Variants in DMGDH observed in about 807,000 individuals in gnomAD.
DMGDH encodes the protein dimethylglycine dehydrogenase, also known as dimethylglycine dehydrogenase, mitochondrial.
In DMGDH, 76 loss-of-function variants were observed where a neutral mutation model predicts 95.2. That is an observed-to-expected ratio of 0.80 (90% confidence interval 0.66 to 0.97). The LOEUF (loss-of-function observed/expected upper bound fraction) is 0.97, where lower values mean the gene tolerates loss of function less well. Ranked by LOEUF, DMGDH falls within the 50% of genes least tolerant of loss-of-function variation. The probability of loss-of-function intolerance (pLI) is 0.00; values close to 1 mark genes in which losing one functional copy is unlikely to be tolerated. For missense variants in DMGDH, 987 were observed against 1,055.0 expected (o/e 0.94, Z 0.89); for synonymous variants, 345 against 377.6 (o/e 0.91, Z 1.00).
Position 79,028,334 on chromosome 5 carries a change from A to T in DMGDH, c.2032+99T>A, listed in dbSNP as rs893365021. ...TGAGTGTGCACATGCATACACACTC[A>T]CACATTTCTTGTGACATGACCTTTT... On this transcript the variant is annotated intron_variant, in intron 12 of 15. Coordinates refer to ENST00000255189, the MANE Select transcript of DMGDH (RefSeq NM_013391.3). 7.7e-6 allele frequency: 8 copies of T among 1,035,012 alleles called. No homozygotes were observed. The African/African-American group carries it at 1.0e-4, about 13-fold the overall frequency. The allele number at this position is 1,035,012 out of a possible 1,614,324, so 64.1% of individuals were successfully genotyped here.
rs1754217359 is a variant in DMGDH, at chr5:79,032,723, T to C, written c.1481A>G (p.His494Arg). The C allele has an allele frequency of 4.3e-6, 7 of 1,614,004 alleles. No homozygotes were observed. The African/African-American group carries it at 6.7e-5, about 15-fold the overall frequency. ...GTCCTGGCCTGGTTTGTAGAACCAGTGCGGCTGCTCCCAGCCAGCATGGAA... is the reference window on the plus strand; with the variant it reads ...GTCCTGGCCTGGTTTGTAGAACCAGCGCGGCTGCTCCCAGCCAGCATGGAA... ...MGFHAGWEQP[H>R]WFYKPGQDTQ... The change falls in exon 9 of 16, where the codon CAC becomes CGC. Residue 494 changes from histidine to arginine, a missense_variant. By Grantham distance (29) the His-to-Arg change is conservative. Coordinates refer to ENST00000255189, the MANE Select transcript of DMGDH (RefSeq NM_013391.3).
chr5:79,054,150 C>T (rs1237369667), intron 4 of DMGDH, 34 bp downstream of exon 4: 7 of 1,609,828 alleles, frequency 4.3e-6, no homozygotes, highest in African/African-American at 1.3e-5. Context: ...TTACTTAAGT[C>T]AACAAATGGT....
intron 14 of DMGDH, among the ~76,000 whole-genome samples, chr5:79,016,918 G>A (rs955755775): frequency 6.6e-6 from 1 of 152,032 alleles, no homozygotes; most frequent in East Asian, 1.9e-4. Context: ...TACTGACGAA[G>A]ATATAAAGGC....
At chr5:79,032,574 T>G in intron 9 of DMGDH, 113 bp downstream of exon 9, 5 of 1,449,284 alleles carry the variant, frequency 3.4e-6, no homozygotes, top group Non-Finnish European at 4.8e-6. Context: ...CAAAGCTCAG[T>G]GCTCCTTGGA....
At chr5:79,042,143 A>T (rs1754526503) in intron 7 of DMGDH, 140 bp downstream of exon 7, 1 of 801,804 alleles carries the variant, frequency 1.2e-6, no homozygotes, top group Non-Finnish European at 2.1e-6. Flanking sequence ...AAGGGAGAAA[A>T]CTCTCTGGGT....
intron 5 of DMGDH, among the ~76,000 whole-genome samples, chr5:79,046,182 G>C (rs1409652401): frequency 1.3e-5 from 2 of 152,102 alleles, no homozygotes; most frequent in Non-Finnish European, 2.9e-5. Flanking sequence ...TGCCTCCAGG[G>C]TTCAAGCCAT....
At chr5:79,059,329 A>G (rs1384097494) in intron 2 of DMGDH, among the ~76,000 whole-genome samples, 1 of 152,226 alleles carries the variant, frequency 6.6e-6, no homozygotes, top group African/African-American at 2.4e-5. Flanking sequence ...ATAGCTGCAG[A>G]AGACACCGCT....
intron 3 of DMGDH, among the ~76,000 whole-genome samples, chr5:79,054,740 C>A (rs183655445): frequency 6.6e-6 from 1 of 152,176 alleles, no homozygotes; most frequent in Non-Finnish European, 1.5e-5. Context: ...AAGGAGAGAT[C>A]ATGTAGAATC....
In DMGDH at chr5:79,058,372, T is replaced by C. The variant is rs558124228; in HGVS notation, c.277-2464A>G. Among the ~76,000 whole-genome samples the C allele has an allele frequency of 6.6e-5, 10 of 152,356 alleles. No homozygotes were observed. The South Asian group carries it at 2.1e-3, about 32-fold the overall frequency. ...TGTTAATGTAAGTGCCAGGCTTGAA[T>C]ATGAAGATGGCACAATGTTTTAATC... On this transcript the variant is annotated intron_variant, in intron 2 of 15. Coordinates refer to ENST00000255189, the MANE Select transcript of DMGDH (RefSeq NM_013391.3).
At chr5:79,016,251 A>G (rs1168920625) in intron 14 of DMGDH, among the ~76,000 whole-genome samples, 2 of 152,008 alleles carry the variant, frequency 1.3e-5, no homozygotes, top group African/African-American at 2.4e-5. Context: ...AAAAAGGAAT[A>G]TAAGGCAAGA....
At chr5:79,012,095 C>A (rs572710816) in intron 14 of DMGDH, among the ~76,000 whole-genome samples, 156 of 152,240 alleles carry the variant, frequency 1.0e-3, no homozygotes, top group African/African-American at 3.6e-3. Flanking sequence ...AAGGCTAGTC[C>A]CTTCTGCCTA....
chr5:79,014,486 T>A (rs1753694566), intron 14 of DMGDH, among the ~76,000 whole-genome samples: 1 of 152,176 alleles, frequency 6.6e-6, no homozygotes, highest in South Asian at 2.1e-4. Flanking sequence ...ATTTTAAGCA[T>A]AGCACTTAAG....
intron 12 of DMGDH, among the ~76,000 whole-genome samples, chr5:79,027,337 T>C (rs1489100153): frequency 6.6e-6 from 1 of 152,154 alleles, no homozygotes; most frequent in African/African-American, 2.4e-5. Context: ...GCTCATTTTT[T>C]ATTCTAGAAT....
At chr5:79,062,418 A>G (rs1755237838) in intron 2 of DMGDH, among the ~76,000 whole-genome samples, 1 of 149,020 alleles carries the variant, frequency 6.7e-6, no homozygotes, top group Admixed American at 6.8e-5. Context: ...AGCACATACT[A>G]GATGTCAAAA....
chr5:79,049,380 A>G (rs1156559218), intron 5 of DMGDH, among the ~76,000 whole-genome samples: 1 of 152,264 alleles, frequency 6.6e-6, no homozygotes, highest in African/African-American at 2.4e-5. Flanking sequence ...TTATTTCTCA[A>G]AATGTCAATC....
chr5:79,026,592 C>G lies in DMGDH; in HGVS notation c.2033-11G>C. On this transcript the variant is annotated splice_polypyrimidine_tract_variant and intron_variant, in intron 12 of 15. Coordinates refer to ENST00000255189, the MANE Select transcript of DMGDH (RefSeq NM_013391.3). ...CCCAACCCAGCTCACCTGAAATAAA[C>G]CCACAGGTGCCACAGCAGGGCAAGA... is the stretch of plus-strand genomic sequence containing the variant. The G allele has an allele frequency of 6.2e-7, 1 of 1,614,076 alleles. No homozygotes were observed. The highest frequency in any genetic ancestry group is 8.5e-7 in the Non-Finnish European group (1 of 1,179,970).
At chr5:79,032,588 G>C (rs781444645) in intron 9 of DMGDH, 99 bp downstream of exon 9, 14 of 1,497,784 alleles carry the variant, frequency 9.3e-6, no homozygotes, top group African/African-American at 2.8e-5. Flanking sequence ...CCTTGGAACA[G>C]GGTGGAGCAA....
intron 3 of DMGDH, among the ~76,000 whole-genome samples, chr5:79,054,746 G>A (rs1301750416): frequency 6.6e-6 from 1 of 152,240 alleles, no homozygotes; most frequent in Non-Finnish European, 1.5e-5. Context: ...AGATCATGTA[G>A]AATCAAAATG....
intron 4 of DMGDH, among the ~76,000 whole-genome samples, chr5:79,053,218 T>C (rs957791119): frequency 6.6e-6 from 1 of 152,176 alleles, no homozygotes; most frequent in Non-Finnish European, 1.5e-5. Context: ...AGTAGTGTAA[T>C]CATAGCTCAC....
Sources: allele counts gnomAD v4.1 joint callset (sites outside exome capture counted in the v4.1 genomes callset), GRCh38; gene constraint gnomAD v4.1.1; transcripts MANE v1.5; gene names NCBI Gene and HGNC (gene_info 2026-07-23, HGNC 2026-07-21).